The following ARHGAP39 variants were observed in gnomAD, a reference collection of about 807,000 sequenced individuals.
The protein encoded by ARHGAP39 is rho GTPase-activating protein 39.
ARHGAP39 carries 44 observed loss-of-function variants against 106.9 expected under a neutral mutation model. The observed-to-expected ratio is 0.41, with a 90% confidence interval of 0.32 to 0.53. The LOEUF is 0.53. Ranked by LOEUF, ARHGAP39 falls within the 20% of genes least tolerant of loss-of-function variation. The probability of loss-of-function intolerance (pLI) is 0.21; values close to 1 mark genes in which losing one functional copy is unlikely to be tolerated. For missense variants in ARHGAP39, 1,496 were observed against 1,577.3 expected, an observed-to-expected ratio of 0.95 and a Z score of 0.87; for synonymous variants, 768 against 693.2, an observed-to-expected ratio of 1.11 and a Z score of -1.69.
intron 1 of ARHGAP39, among the ~76,000 whole-genome samples, chr8:144,676,211 C>G (rs900884175): frequency 6.6e-6 from 1 of 152,242 alleles, no homozygotes; most frequent in Non-Finnish European, 1.5e-5. Flanking sequence ...ACCCACCTCC[C>G]ACCGATTGGT....
chr8:144,602,262 T>G (rs1474333589), intron 2 of ARHGAP39, among the ~76,000 whole-genome samples: 7 of 131,834 alleles, frequency 5.3e-5, no homozygotes, highest in Non-Finnish European at 9.4e-5. Context: ...TGTGAGCTCA[T>G]GTACCTGTGT....
intron 7 of ARHGAP39, among the ~76,000 whole-genome samples, chr8:144,534,880 A>G (rs1212925019): frequency 6.6e-6 from 1 of 152,008 alleles, no homozygotes; most frequent in Non-Finnish European, 1.5e-5. Flanking sequence ...CAGGGACCTC[A>G]GCCTGGGGAG....
intron 5 of ARHGAP39, 75 bp from the exon 6 acceptor site, chr8:144,545,885 C>A (rs1817399248): frequency 1.5e-6 from 2 of 1,341,440 alleles, no homozygotes; most frequent in African/African-American, 3.0e-5. Flanking sequence ...GGCCACAGTC[C>A]CCAGAAGTGT....
At chr8:144,620,894 C>T (rs1243933454) in intron 1 of ARHGAP39, among the ~76,000 whole-genome samples, 1 of 152,268 alleles carries the variant, frequency 6.6e-6, no homozygotes, top group Non-Finnish European at 1.5e-5. Context: ...CCACTGTGCC[C>T]TCGAGGTGAA....
chr8:144,532,495 GA>G, intron 9 of ARHGAP39, 99 bp from the exon 10 acceptor site: 4 of 1,137,404 alleles, frequency 3.5e-6, no homozygotes, highest in Non-Finnish European at 5.0e-6. Context: ...CTGACCCGGG[GA>G]GGGGAGCAAA....
intron 1 of ARHGAP39, among the ~76,000 whole-genome samples, chr8:144,618,648 C>A (rs1007477363): frequency 1.3e-5 from 2 of 152,232 alleles, no homozygotes; most frequent in Non-Finnish European, 2.9e-5. Flanking sequence ...CCACCTCCCC[C>A]TCTGCCGGGG....
chr8:144,550,798 AAACC>A (rs1287757328), intron 4 of ARHGAP39, among the ~76,000 whole-genome samples: 22 of 152,212 alleles, frequency 1.4e-4, no homozygotes, highest in Admixed American at 1.4e-3. Context: ...AGGGGCCATC[AAACC>A]CTGAGGGCCA....
At chr8:144,619,569 CGT>C (rs992169212) in intron 1 of ARHGAP39, among the ~76,000 whole-genome samples, 2 of 148,356 alleles carry the variant, frequency 1.3e-5, no homozygotes, top group African/African-American at 2.5e-5. Context: ...CGTGAGTACC[CGT>C]GTGTGTGTGA....
At chr8:144,643,468 A>AG (rs1272611753) in intron 1 of ARHGAP39, among the ~76,000 whole-genome samples, 1 of 152,162 alleles carries the variant, frequency 6.6e-6, no homozygotes, top group Non-Finnish European at 1.5e-5. Flanking sequence ...GAAAAACAAA[A>AG]GAAAAAAATA....
At chr8:144,531,323 GGAGTAGGCTAGAC>G (rs1816716781) in intron 10 of ARHGAP39, among the ~76,000 whole-genome samples, 1 of 2,094 alleles carries the variant, frequency 4.8e-4, no homozygotes, top group African/African-American at 1.0e-3. Context: ...CAGCAGGTGG[GGAGTAGGCTAGAC>G]ATAGCAGGCA....
chr8:144,640,330 C>G (rs1427929542), intron 1 of ARHGAP39, among the ~76,000 whole-genome samples: 1 of 152,140 alleles, frequency 6.6e-6, no homozygotes, highest in Non-Finnish European at 1.5e-5. Context: ...GGGGAGCGAC[C>G]TGGTGGGAGA....
chr8:144,560,434 C>CA (rs1371373719), intron 3 of ARHGAP39, among the ~76,000 whole-genome samples: 3 of 151,776 alleles, frequency 2.0e-5, no homozygotes, highest in Middle Eastern at 3.2e-3. Flanking sequence ...GACTCCGTCT[C>CA]AAAAAAACAA....
intron 1 of ARHGAP39, among the ~76,000 whole-genome samples, chr8:144,676,254 A>T (rs1822235580): frequency 6.6e-6 from 1 of 152,122 alleles, no homozygotes; most frequent in South Asian, 2.1e-4. Flanking sequence ...GTCCGTTTTG[A>T]CAGGGTGCTG....
At chr8:144,660,195 C>T (rs1821789077) in intron 1 of ARHGAP39, among the ~76,000 whole-genome samples, 1 of 152,204 alleles carries the variant, frequency 6.6e-6, no homozygotes, top group African/African-American at 2.4e-5. Context: ...TCCATCCCAT[C>T]CAGGGCACCT....
chr8:144,605,951 A>T (rs1470927543), intron 1 of ARHGAP39: 4 of 355,116 alleles, frequency 1.1e-5, no homozygotes, highest in Non-Finnish European at 2.1e-5. Flanking sequence ...TGCCAGTCTG[A>T]GACACCAGCC....
intron 1 of ARHGAP39, among the ~76,000 whole-genome samples, chr8:144,650,926 G>C (rs148976473): frequency 2.4e-4 from 36 of 152,222 alleles, no homozygotes; most frequent in African/African-American, 8.7e-4. Flanking sequence ...GGAAATAAAG[G>C]GCATCCAAAT....
At chr8:144,577,561 C>T (rs1216457668) in intron 3 of ARHGAP39, among the ~76,000 whole-genome samples, 1 of 152,102 alleles carries the variant, frequency 6.6e-6, no homozygotes, top group Non-Finnish European at 1.5e-5. Context: ...AAAAAGGCAT[C>T]CAAATTGGAA....
At position 144,604,716 on chromosome 8, in the gene ARHGAP39, G is replaced by A. The variant is rs1315192817; in HGVS notation, c.80+819C>T. Among the ~76,000 whole-genome samples the A allele has an allele frequency of 6.6e-6, 1 of 152,188 alleles. No individual in the cohort carries two copies. The highest frequency in any genetic ancestry group is 1.5e-5 in the Non-Finnish European group (1 of 68,044). On this transcript the variant is annotated intron_variant, in intron 2 of 11. Transcript: ENST00000377307. This position sits in a 1 kb window ranked among gnomAD's most constrained non-coding sequence, Gnocchi z 4.1. ...AAGGAGAGAGAGGCAGTCAGGGGCAGAGCTGACCTGGAGGCATGGGACACT... is the reference window on the plus strand; with the variant it reads ...AAGGAGAGAGAGGCAGTCAGGGGCAAAGCTGACCTGGAGGCATGGGACACT...
In ARHGAP39 at chr8:144,645,000, G is replaced by T. The variant is rs1232800261; in HGVS notation, c.-81-39305C>A. Among the ~76,000 whole-genome samples the T allele has an allele frequency of 2.6e-5, 4 of 152,262 alleles. No individual in the cohort carries two copies. Among genetic ancestry groups the T allele is most frequent in the African/African-American group, 9.6e-5 (4 of 41,476 alleles). ...GTCCTCGCAGGCTTGTCCCTGGGTGGCAGGTGACAGGCGCTGGGCCACGGC... is the reference window on the plus strand; with the variant it reads ...GTCCTCGCAGGCTTGTCCCTGGGTGTCAGGTGACAGGCGCTGGGCCACGGC... On this transcript the variant is annotated intron_variant, in intron 1 of 11. Transcript: ENST00000377307. The surrounding 1 kb of genome is among the most constrained non-coding windows in gnomAD (Gnocchi z 4.8).
Sources: gnomAD v4.1 joint callset for allele counts (sites outside exome capture counted in the v4.1 genomes callset) on GRCh38, gnomAD v4.1.1 for gene constraint, Gnocchi (gnomAD v3.1) non-coding constraint, MANE v1.5 for transcripts, NCBI Gene and HGNC (gene_info 2026-07-23, HGNC 2026-07-21) for gene names.